Variants in FOXK2 observed in about 807,000 individuals in gnomAD.
FOXK2 encodes the protein forkhead box K2.
A neutral mutation model predicts 53.3 loss-of-function variants in FOXK2; 24 were observed. The observed-to-expected ratio is 0.45, with a 90% CI of 0.33 to 0.63. The LOEUF is 0.63. Among genes scored for constraint, FOXK2 ranks in the 30% least tolerant of loss-of-function variants. The probability of loss-of-function intolerance (pLI) is 0.03; values close to 1 mark genes in which losing one functional copy is unlikely to be tolerated. For missense variants in FOXK2, 952 were observed against 910.5 expected, an observed-to-expected ratio of 1.05 and a Z score of -0.59; for synonymous variants, 505 against 407.1, an observed-to-expected ratio of 1.24 and a Z score of -2.89.
intron 1 of FOXK2, among the ~76,000 whole-genome samples, chr17:82,559,840 G>T (rs1194497220): frequency 1.3e-5 from 2 of 152,010 alleles, no homozygotes; most frequent in Non-Finnish European, 2.9e-5. Context: ...AGGAAAAGAG[G>T]TAAAGTACAC....
At chr17:82,549,288 A>G (rs1047421837) in intron 1 of FOXK2, among the ~76,000 whole-genome samples, 3 of 152,232 alleles carry the variant, frequency 2.0e-5, no homozygotes, top group Non-Finnish European at 4.4e-5. Context: ...AGCCCTGTCC[A>G]GCAACTTCCT....
At chr17:82,588,886 T>TAAAAAAAAA in intron 8 of FOXK2, among the ~76,000 whole-genome samples, 1 of 122,058 alleles carries the variant, frequency 8.2e-6, no homozygotes, top group Non-Finnish European at 1.7e-5. Flanking sequence ...CCATTTCTAC[T>TAAAAAAAAA]AAAAAAAAAA....
intron 1 of FOXK2, among the ~76,000 whole-genome samples, chr17:82,527,975 T>A (rs961116588): frequency 7.9e-5 from 12 of 152,100 alleles, no homozygotes; most frequent in Admixed American, 6.6e-4. Context: ...TAATTTATTT[T>A]TTTTTGGACG....
chr17:82,549,344 A>C (rs1022214185), intron 1 of FOXK2, among the ~76,000 whole-genome samples: 3 of 150,554 alleles, frequency 2.0e-5, no homozygotes, highest in African/African-American at 7.4e-5. Context: ...CAAAACCCCC[A>C]AAATTATTCT....
At chr17:82,544,565 A>G (rs1202225536) in intron 1 of FOXK2, among the ~76,000 whole-genome samples, 1 of 152,204 alleles carries the variant, frequency 6.6e-6, no homozygotes, top group Non-Finnish European at 1.5e-5. Context: ...ACATGTGAGC[A>G]TTTCTGTTGC....
intron 1 of FOXK2, among the ~76,000 whole-genome samples, chr17:82,554,162 A>C (rs1317118701): frequency 2.0e-5 from 3 of 152,110 alleles, no homozygotes; most frequent in Non-Finnish European, 4.4e-5. Context: ...GGTTGTAGGG[A>C]ATAGTTTGAC....
intron 1 of FOXK2, among the ~76,000 whole-genome samples, chr17:82,542,750 T>G (rs2044586717): frequency 6.6e-6 from 1 of 152,076 alleles, no homozygotes; most frequent in Non-Finnish European, 1.5e-5. Context: ...CTGGGCTGGA[T>G]GCAGTGGCTC....
At chr17:82,559,422 C>T (rs1215644618) in intron 1 of FOXK2, 4 of 456,240 alleles carry the variant, frequency 8.8e-6, no homozygotes, top group African/African-American at 8.0e-5. Context: ...AGCACCTTGC[C>T]CTGTTTGTGT....
At chr17:82,523,971 T>G (rs943920781) in intron 1 of FOXK2, among the ~76,000 whole-genome samples, 2 of 152,248 alleles carry the variant, frequency 1.3e-5, no homozygotes, top group East Asian at 3.8e-4. Context: ...CTTGGCTCAC[T>G]GCAACCTTGG....
rs75190875 is a variant in FOXK2 at position 82,546,620 on chromosome 17, A to C, written c.420-16734A>C. ...CGTCCCAGTGTCAAACAGAGGTAAC[A>C]CCTCGCTTTTCTTTTCCTTTTTTTT... On this transcript the variant is annotated intron_variant, in intron 1 of 8. Coordinates refer to ENST00000335255, the MANE Select transcript of FOXK2 (RefSeq NM_004514.4). Among the ~76,000 whole-genome samples, 653 of 150,150 alleles carry C rather than the reference A, an allele frequency of 4.3e-3. 1 individual carries two copies. Among genetic ancestry groups the C allele is most frequent in the African/African-American group, 0.015 (622 of 40,632 alleles).
At chr17:82,597,439 C>G (rs2045326204) in intron 8 of FOXK2, among the ~76,000 whole-genome samples, 1 of 152,188 alleles carries the variant, frequency 6.6e-6, no homozygotes, top group Non-Finnish European at 1.5e-5. Context: ...CCGGCACCTC[C>G]AGGGCTCTGC....
At chr17:82,554,074 C>T (rs182871836) in intron 1 of FOXK2, among the ~76,000 whole-genome samples, 176 of 152,192 alleles carry the variant, frequency 1.2e-3, no homozygotes, top group African/African-American at 4.1e-3. Flanking sequence ...GCTTGTGATC[C>T]GCCCACCTCG....
intron 8 of FOXK2, among the ~76,000 whole-genome samples, chr17:82,592,648 C>T (rs1456399713): frequency 6.6e-6 from 1 of 152,262 alleles, no homozygotes; most frequent in Non-Finnish European, 1.5e-5. Context: ...TAACTCTGCT[C>T]TTCTTCCTTG....
Position 82,587,328 on chromosome 17 carries a change from C to T in FOXK2, c.1786+56C>T, listed in dbSNP as rs768847701. The T allele has an allele frequency of 1.1e-5, 15 of 1,353,396 alleles. No individual in the cohort carries two copies. In the African/African-American group the frequency reaches 2.1e-4, roughly 19 times the overall value. The allele number at this position is 1,353,396 out of a possible 1,614,324, so 83.8% of individuals were successfully genotyped here. A position where few individuals can be genotyped will look rare whatever the true frequency, so the allele number is the denominator to read the frequency against. ...GCTGTGGGTACTGGGAGCAGAGCCC[C>T]TTCTCACTCGTGGTTTCGGTTCTGA... On this transcript the variant is annotated intron_variant, in intron 8 of 8. Transcript: ENST00000335255.
intron 8 of FOXK2, chr17:82,596,301 G>T (rs2045309857): frequency 1.4e-6 from 1 of 736,758 alleles, no homozygotes; most frequent in Non-Finnish European, 1.7e-6. Context: ...TCCTTGCCCA[G>T]ATTCTTGGTG....
At chr17:82,572,645 G>A (rs1191876188) in intron 4 of FOXK2, among the ~76,000 whole-genome samples, 1 of 152,138 alleles carries the variant, frequency 6.6e-6, no homozygotes, top group African/African-American at 2.4e-5. Flanking sequence ...TTGGCAGTGG[G>A]TAGGTTTGAA....
At chr17:82,546,730 G>A (rs1160795250) in intron 1 of FOXK2, among the ~76,000 whole-genome samples, 3 of 151,918 alleles carry the variant, frequency 2.0e-5, no homozygotes, top group Non-Finnish European at 2.9e-5. Flanking sequence ...AGACTCCCAA[G>A]TTCAGGGATA....
chr17:82,584,337 T>A, intron 6 of FOXK2, 149 bp downstream of exon 6: 1 of 784,120 alleles, frequency 1.3e-6, no homozygotes, highest in Non-Finnish European at 1.9e-6. Context: ...CTTGGAAAAC[T>A]AATAGCACTG....
At chr17:82,594,385 C>T (rs1016832800) in intron 8 of FOXK2, among the ~76,000 whole-genome samples, 2 of 151,508 alleles carry the variant, frequency 1.3e-5, no homozygotes, top group Admixed American at 1.3e-4. Flanking sequence ...GTAGTCCCAG[C>T]TATTCGGGAG....
Sources: allele counts gnomAD v4.1 joint callset (sites outside exome capture counted in the v4.1 genomes callset), GRCh38; gene constraint gnomAD v4.1.1; transcripts MANE v1.5; gene names NCBI Gene and HGNC (gene_info 2026-07-23, HGNC 2026-07-21).